Variants in ADAMTSL1 observed in about 807,000 individuals in gnomAD.
ADAMTSL1 encodes ADAMTS-like protein 1.
Under a neutral mutation model 201.8 loss-of-function variants are expected in ADAMTSL1, and 126 were observed. The ratio of observed to expected loss-of-function variants is 0.62; its 90% CI spans 0.54 to 0.72. ADAMTSL1 has a LOEUF of 0.72. ADAMTSL1 is among the 30% of genes least tolerant of loss of function. ADAMTSL1 has a pLI of 0.00. For missense variants in ADAMTSL1, 2,679 were observed against 2,277.8 expected, an observed-to-expected ratio of 1.18 and a Z score of -3.59; for synonymous variants, 1,121 against 903.4, an observed-to-expected ratio of 1.24 and a Z score of -4.32.
intron 14 of ADAMTSL1, among the ~76,000 whole-genome samples, chr9:18,720,459 A>T (rs906457951): frequency 2.0e-5 from 3 of 152,186 alleles, no homozygotes; most frequent in Non-Finnish European, 4.4e-5. Context: ...TCAAAATGAA[A>T]TGTCTGGTCA....
chr9:18,264,186 A>T (rs1050172389), intron 2 of ADAMTSL1, among the ~76,000 whole-genome samples: 3 of 151,966 alleles, frequency 2.0e-5, no homozygotes, highest in African/African-American at 7.3e-5. Context: ...CCAGTTATTT[A>T]TTTATTATTA....
At chr9:17,959,097 C>A (rs1436792113) in intron 1 of ADAMTSL1, among the ~76,000 whole-genome samples, 4 of 151,972 alleles carry the variant, frequency 2.6e-5, no homozygotes, top group Non-Finnish European at 5.9e-5. Context: ...AACATAAATT[C>A]TGTATGTAGT....
chr9:18,332,066 GT>G, intron 2 of ADAMTSL1, among the ~76,000 whole-genome samples: 1 of 152,254 alleles, frequency 6.6e-6, no homozygotes, highest in East Asian at 1.9e-4. Flanking sequence ...AGACTGAGAG[GT>G]TTTGGAAGTG....
intron 1 of ADAMTSL1, among the ~76,000 whole-genome samples, chr9:18,040,926 C>A (rs1033330123): frequency 3.3e-5 from 5 of 152,120 alleles, no homozygotes; most frequent in African/African-American, 1.2e-4. Flanking sequence ...TAAATAAACT[C>A]ATTTGGCACC....
intron 14 of ADAMTSL1, among the ~76,000 whole-genome samples, chr9:18,712,896 A>T (rs1281880644): frequency 2.7e-5 from 4 of 148,340 alleles, no homozygotes; most frequent in East Asian, 4.0e-4. Context: ...CTAACAGCGG[A>T]TCTCTCGGCA....
intron 4 of ADAMTSL1, among the ~76,000 whole-genome samples, chr9:18,587,943 G>A (rs1260364458): frequency 6.6e-6 from 1 of 152,136 alleles, no homozygotes; most frequent in Admixed American, 6.5e-5. Context: ...TGGGAATGCA[G>A]GTATCTCTTT....
chr9:18,754,663 C>T (rs985322972), intron 16 of ADAMTSL1, among the ~76,000 whole-genome samples: 1 of 152,178 alleles, frequency 6.6e-6, no homozygotes, highest in Non-Finnish European at 1.5e-5. Flanking sequence ...TTTGGCAGAG[C>T]CCCTCCCTTC....
rs1820505435 is a variant in ADAMTSL1, at chr9:18,022,187, A to G, written c.87+115265A>G. Among the ~76,000 whole-genome samples, 3 of 152,122 alleles carry G rather than the reference A, an allele frequency of 2.0e-5. No homozygotes were observed. The South Asian group carries it at 6.2e-4, about 32-fold the overall frequency. ...GTTCAGCACTTTCTCTGTGGCCCCA[A>G]GGGAAAGATCACCATAAACTAGGAG... On this transcript the variant is annotated intron_variant, in intron 1 of 29. Transcript: ENST00000680146.
At chr9:18,093,713 T>C (rs1824124539) in intron 1 of ADAMTSL1, among the ~76,000 whole-genome samples, 1 of 152,100 alleles carries the variant, frequency 6.6e-6, no homozygotes, top group East Asian at 1.9e-4. Flanking sequence ...CATCCCTGGG[T>C]TTCAAAGTAT....
chr9:18,249,139 A>G (rs1320564493), intron 2 of ADAMTSL1, among the ~76,000 whole-genome samples: 1 of 152,174 alleles, frequency 6.6e-6, no homozygotes, highest in African/African-American at 2.4e-5. Context: ...CAGACACGAA[A>G]CAAGGAAGCC....
At chr9:18,016,460 C>T (rs56264871) in intron 1 of ADAMTSL1, among the ~76,000 whole-genome samples, 2,769 of 152,060 alleles carry the variant, frequency 0.018, 77 homozygotes, top group African/African-American at 0.063. Flanking sequence ...TTGAAACTCA[C>T]AGAAGCACAG....
chr9:18,549,352 T>C (rs924149999), intron 3 of ADAMTSL1, among the ~76,000 whole-genome samples: 3 of 152,040 alleles, frequency 2.0e-5, no homozygotes, highest in Non-Finnish European at 4.4e-5. Flanking sequence ...ACTGTCAGTG[T>C]AGAATTTTGT....
intron 2 of ADAMTSL1, among the ~76,000 whole-genome samples, chr9:18,177,530 C>A (rs1828224149): frequency 1.3e-5 from 2 of 152,110 alleles, no homozygotes; most frequent in South Asian, 4.1e-4. Flanking sequence ...AATTTCAGGA[C>A]CAGTATGATC....
At chr9:17,991,752 C>T (rs563595758) in intron 1 of ADAMTSL1, among the ~76,000 whole-genome samples, 13 of 152,256 alleles carry the variant, frequency 8.5e-5, no homozygotes, top group East Asian at 5.8e-4. Flanking sequence ...TCAGATTTCA[C>T]GGTTAGACTG....
intron 13 of ADAMTSL1, among the ~76,000 whole-genome samples, chr9:18,691,205 A>C (rs1268094581): frequency 1.3e-5 from 2 of 152,342 alleles, no homozygotes; most frequent in African/African-American, 2.4e-5. Flanking sequence ...CTACTAGCAT[A>C]TATCAGAATT....
intron 2 of ADAMTSL1, among the ~76,000 whole-genome samples, chr9:18,361,276 G>A (rs79713213): frequency 0.081 from 12,299 of 152,134 alleles, 691 homozygotes; most frequent in Middle Eastern, 0.14. Context: ...GGAAAATAAA[G>A]AAAAGAACAG....
At chr9:18,322,077 C>T (rs1166238764) in intron 2 of ADAMTSL1, among the ~76,000 whole-genome samples, 2 of 151,914 alleles carry the variant, frequency 1.3e-5, no homozygotes, top group Non-Finnish European at 2.9e-5. Context: ...ATAAATACTG[C>T]AAACTAAACT....
chr9:18,254,659 GC>G (rs551392654), intron 2 of ADAMTSL1, among the ~76,000 whole-genome samples: 34 of 98,650 alleles, frequency 3.4e-4, no homozygotes, highest in Admixed American at 3.0e-3. Flanking sequence ...CACCGCGCCT[GC>G]CCCCCCGCCC....
intron 8 of ADAMTSL1, among the ~76,000 whole-genome samples, chr9:18,658,642 C>T (rs1384471217): frequency 6.6e-6 from 1 of 152,106 alleles, no homozygotes; most frequent in Admixed American, 6.5e-5. Flanking sequence ...ATATTTGTAA[C>T]ACGAACAGCA....
Sources: allele counts gnomAD v4.1 joint callset (sites outside exome capture counted in the v4.1 genomes callset), GRCh38; gene constraint gnomAD v4.1.1; transcripts MANE v1.5; gene names NCBI Gene and HGNC (gene_info 2026-07-23, HGNC 2026-07-21).